SSBP4: variants seen among roughly 807,000 people sequenced by gnomAD.
The protein encoded by SSBP4 is single stranded DNA binding protein 4.
Under a neutral mutation model 64.6 loss-of-function variants are expected in SSBP4, and 33 were observed. The observed-to-expected ratio is 0.51, with a 90% CI of 0.39 to 0.68. SSBP4 has a LOEUF of 0.68. Among genes scored for constraint, SSBP4 ranks in the 30% least tolerant of loss-of-function variants. The probability of loss-of-function intolerance (pLI) is 0.00; values close to 1 mark genes in which losing one functional copy is unlikely to be tolerated. For synonymous variants in SSBP4, 243 were observed against 224.0 expected (o/e 1.08, Z -0.76); for missense variants, 583 against 566.8 (o/e 1.03, Z -0.29).
intron 1 of SSBP4, among the ~76,000 whole-genome samples, chr19:18,424,360 T>C (rs1397651861): frequency 6.6e-6 from 1 of 152,088 alleles, no homozygotes; most frequent in Admixed American, 6.5e-5. Flanking sequence ...GTGAGCAGAC[T>C]CCAAGTCCCC....
chr19:18,416,178 C>T (rs1334373130), upstream of SSBP4, among the ~76,000 whole-genome samples: 1 of 152,144 alleles, frequency 6.6e-6, no homozygotes, highest in East Asian at 1.9e-4. Context: ...CTACACCCAG[C>T]TAATTTTTGT....
chr19:18,425,107 C>T (rs1045928720), intron 1 of SSBP4, among the ~76,000 whole-genome samples: 1 of 14,596 alleles, frequency 6.9e-5, no homozygotes, highest in Non-Finnish European at 1.5e-4. Context: ...GCGGAGAGGG[C>T]GGGGTGGGCT....
chr19:18,404,932 G>A, the SSBP4 span, among the ~76,000 whole-genome samples: 6 of 144,356 alleles, frequency 4.2e-5, no homozygotes, highest in African/African-American at 1.0e-4. Context: ...CAGAGACATT[G>A]AGACCACCCA....
the SSBP4 span, among the ~76,000 whole-genome samples, chr19:18,402,844 G>A: frequency 6.6e-6 from 1 of 152,152 alleles, no homozygotes; most frequent in Non-Finnish European, 1.5e-5. Context: ...ACATGGCCTC[G>A]TGGGATGGGA....
chr19:18,433,844 C>A (rs1292874883), intron 17 of SSBP4, 27 bp downstream of exon 17: 7 of 1,351,946 alleles, frequency 5.2e-6, no homozygotes, highest in South Asian at 3.1e-5. Flanking sequence ...ACTCCCCCCC[C>A]GCGGCGGCGT....
intron 1 of SSBP4, among the ~76,000 whole-genome samples, chr19:18,420,856 A>AAAAAAAC (rs1279324385): frequency 6.6e-6 from 1 of 151,840 alleles, no homozygotes; most frequent in Non-Finnish European, 1.5e-5. Flanking sequence ...ATCTCAAAAA[A>AAAAAAAC]AAAAAACAAA....
chr19:18,410,033 G>T, the SSBP4 span, among the ~76,000 whole-genome samples: 13 of 151,848 alleles, frequency 8.6e-5, no homozygotes, highest in African/African-American at 2.9e-4. Flanking sequence ...TCGCTCTGTC[G>T]CCCAAGTTGG....
In SSBP4 at chr19:18,430,155, C is replaced by T. The variant is rs561606177; in HGVS notation, c.280-686C>T. On this transcript the variant is annotated intron_variant, in intron 4 of 17. Transcript: ENST00000270061. ...AGACAGGGGCCAGGAGAGAAGTTCTCCCCTCCCTGTCCCCAGACGTGTTCC... is the reference window on the plus strand; with the variant it reads ...AGACAGGGGCCAGGAGAGAAGTTCTTCCCTCCCTGTCCCCAGACGTGTTCC... Among the ~76,000 whole-genome samples, 18 of 152,218 alleles carry T rather than the reference C, an allele frequency of 1.2e-4. No individual in the cohort carries two copies. The South Asian group carries it at 3.3e-3, about 28-fold the overall frequency.
At chr19:18,416,478 C>G (rs1197493788), upstream of SSBP4, among the ~76,000 whole-genome samples, 1 of 152,178 alleles carries the variant, frequency 6.6e-6, no homozygotes, top group Non-Finnish European at 1.5e-5. Flanking sequence ...CACGTGCGGC[C>G]TCCCATGGAG....
intron 4 of SSBP4, among the ~76,000 whole-genome samples, chr19:18,429,188 G>A (rs1973121209): frequency 6.6e-6 from 1 of 152,074 alleles, no homozygotes; most frequent in Non-Finnish European, 1.5e-5. Flanking sequence ...CGCCTTGCCC[G>A]CCGAGCCTGC....
At chr19:18,431,902 A>G in intron 8 of SSBP4, 40 bp downstream of exon 8, 1 of 1,567,000 alleles carries the variant, frequency 6.4e-7, no homozygotes, top group East Asian at 2.3e-5. Flanking sequence ...GCCATCAATC[A>G]GAATTCCAGC....
At chr19:18,428,003 C>G (rs1253490063) in intron 4 of SSBP4, 21 bp downstream of exon 4, 2 of 1,604,296 alleles carry the variant, frequency 1.2e-6, no homozygotes, top group Non-Finnish European at 1.7e-6. Flanking sequence ...GCCCCAGGGA[C>G]TCAGGGGCTC....
upstream of SSBP4, among the ~76,000 whole-genome samples, chr19:18,416,388 T>A (rs1193837282): frequency 6.6e-6 from 1 of 152,100 alleles, no homozygotes; most frequent in African/African-American, 2.4e-5. Flanking sequence ...CACAGCTAAC[T>A]GCAGCCTTCA....
chr19:18,431,410 C>T lies in SSBP4; in HGVS notation c.427C>T (p.His143Tyr), dbSNP rs374446728. 2.0e-6 allele frequency: 3 copies of T among 1,513,342 alleles called. No individual in the cohort carries two copies. The highest frequency in any genetic ancestry group is 2.7e-6 in the Non-Finnish European group (3 of 1,120,906). 93.7% of individuals were successfully genotyped at this position (1,513,342 alleles called of 1,614,324 possible). The change falls in exon 6 of 18, where the codon CAC becomes TAC. Residue 143 changes from histidine (H) to tyrosine (Y), a missense_variant. By Grantham distance (83) the His-to-Tyr change is moderately conservative. Around this residue, in one of 5 missense-constraint regions of SSBP4, gnomAD observed 444 missense variants for 386.6 expected, o/e 1.15. Coordinates refer to ENST00000270061, the MANE Select transcript of SSBP4 (RefSeq NM_032627.5). ...HNPNAPMMGP[H>Y]GQPFMSPRFP... ...CCCCAACGCCCCCATGATGGGGCCT[C>T]ACGGTCAGGTAAGGAGCTGTGGTGC...
upstream of SSBP4, among the ~76,000 whole-genome samples, chr19:18,415,469 G>A (rs1461363446): frequency 6.6e-6 from 1 of 152,218 alleles, no homozygotes; most frequent in Admixed American, 6.5e-5. Flanking sequence ...AGGCGGAGGC[G>A]GCCAACTGAG....
At chr19:18,421,075 G>A (rs1386106632) in intron 1 of SSBP4, among the ~76,000 whole-genome samples, 1 of 152,114 alleles carries the variant, frequency 6.6e-6, no homozygotes, top group Non-Finnish European at 1.5e-5. Context: ...CTGGGTGCTG[G>A]AGAGGAGCCC....
At chr19:18,403,012 AT>A in the SSBP4 span, among the ~76,000 whole-genome samples, 1 of 152,184 alleles carries the variant, frequency 6.6e-6, no homozygotes. Flanking sequence ...CCGATTGTAC[AT>A]TTGTTCAATT....
chr19:18,418,172 G>A (rs1356793093), upstream of SSBP4, among the ~76,000 whole-genome samples: 2 of 152,134 alleles, frequency 1.3e-5, no homozygotes, highest in East Asian at 3.9e-4. The surrounding 1 kb of genome is among the most constrained non-coding windows in gnomAD (Gnocchi z 6.7). Context: ...TAATTTATTG[G>A]GTGTTTGCCC....
At chr19:18,419,372 C>T (rs1366220089), upstream of SSBP4, 2 of 1,024,914 alleles carry the variant, frequency 2.0e-6, no homozygotes, top group East Asian at 9.2e-5. Flanking sequence ...GGCGGGGGCG[C>T]GCGCGGCGGG....
Sources: allele counts gnomAD v4.1 joint callset (sites outside exome capture counted in the v4.1 genomes callset), GRCh38; gene constraint gnomAD v4.1.1; regional missense constraint gnomAD v4.1.1; non-coding constraint Gnocchi (gnomAD v3.1); transcripts MANE v1.5; gene names NCBI Gene and HGNC (gene_info 2026-07-23, HGNC 2026-07-21).